The following YAF2 variants were observed in gnomAD, a reference collection of about 807,000 sequenced individuals.
YAF2 encodes the protein YY1 associated factor 2.
YAF2 carries 7 observed loss-of-function variants against 20.1 expected under a neutral mutation model. That is an observed-to-expected ratio of 0.35 (90% CI 0.20 to 0.65). The LOEUF is 0.65. Among genes scored for constraint, YAF2 ranks in the 30% least tolerant of loss-of-function variants. The pLI, the probability that YAF2 is intolerant of heterozygous loss-of-function variation, is 0.69. For synonymous variants in YAF2, 74 were observed against 76.0 expected, an observed-to-expected ratio of 0.97 and a Z score of 0.14; for missense variants, 151 against 219.2, an observed-to-expected ratio of 0.69 and a Z score of 1.96.
At chr12:42,206,928 CCCAG>C (rs2067061325) in intron 2 of YAF2, among the ~76,000 whole-genome samples, 1 of 152,092 alleles carries the variant, frequency 6.6e-6, no homozygotes, top group Non-Finnish European at 1.5e-5. Context: ...ATACCTTCTA[CCCAG>C]ATTCAAAATT....
intron 2 of YAF2, among the ~76,000 whole-genome samples, chr12:42,202,018 TC>T (rs1278253211): frequency 6.6e-6 from 1 of 152,224 alleles, no homozygotes; most frequent in Non-Finnish European, 1.5e-5. Flanking sequence ...ATCTATACTA[TC>T]CTCTTTTTAA....
intron 2 of YAF2, chr12:42,235,319 C>A: frequency 6.0e-6 from 6 of 997,496 alleles, no homozygotes; most frequent in Non-Finnish European, 7.2e-6. Flanking sequence ...ACTACTGAAA[C>A]TTTTGCTTCT....
Position 42,227,129 on chromosome 12 carries a change from C to T in YAF2, c.152+10470G>A, listed in dbSNP as rs1030015084. Among the ~76,000 whole-genome samples the T allele has an allele frequency of 3.0e-3, 438 of 145,640 alleles. 6 individuals carry two copies. The highest frequency in any genetic ancestry group is 9.2e-3 in the South Asian group (42 of 4,586). ...GCGGAGCTGTCTCAGTCTTTGCCGC[C>T]GCGCCGGCGAGCGCCGCCCGGGAGG... On this transcript the variant is annotated intron_variant, in intron 2 of 3. Transcript: ENST00000534854.
intron 2 of YAF2, chr12:42,233,048 T>C: frequency 3.0e-6 from 3 of 985,356 alleles, no homozygotes; most frequent in Non-Finnish European, 3.6e-6. Context: ...ACTGTATGTC[T>C]AGTATCCAAC....
rs1237372268 is a variant in YAF2 at position 42,237,727 on chromosome 12, G to A, written c.27-3C>T. On this transcript the variant is annotated splice_polypyrimidine_tract_variant and splice_region_variant and intron_variant, in intron 1 of 3. Coordinates refer to ENST00000534854, the MANE Select transcript of YAF2 (RefSeq NM_005748.6). ...ACGGCTTCGGCTGCCGCTTCGGCCT[G>A]CAGGACACAACCCGGACACGACGCG... 29 of 1,555,192 alleles carry A rather than the reference G, an allele frequency of 1.9e-5. No individual in the cohort carries two copies. Among genetic ancestry groups the A allele is most frequent in the Non-Finnish European group, 2.5e-5 (29 of 1,152,910 alleles).
intron 2 of YAF2, among the ~76,000 whole-genome samples, chr12:42,178,574 ATATAAC>A (rs2066257845): frequency 1.3e-5 from 2 of 152,144 alleles, no homozygotes; most frequent in African/African-American, 2.4e-5. Flanking sequence ...ATAAATACAT[ATATAAC>A]TATATCATCA....
chr12:42,213,163 G>A (rs2067259524), intron 2 of YAF2, among the ~76,000 whole-genome samples: 1 of 152,220 alleles, frequency 6.6e-6, no homozygotes, highest in Admixed American at 6.5e-5. Flanking sequence ...CAAACAAGCT[G>A]TTATGTTCTG....
intron 2 of YAF2, among the ~76,000 whole-genome samples, chr12:42,227,066 C>T (rs906583229): frequency 1.1e-4 from 16 of 145,124 alleles, no homozygotes; most frequent in Middle Eastern, 3.5e-3. Flanking sequence ...CCGCAGCCGC[C>T]GCCGCCCGAC....
chr12:42,187,812 T>C (rs1344601193), intron 2 of YAF2, among the ~76,000 whole-genome samples: 1 of 152,238 alleles, frequency 6.6e-6, no homozygotes, highest in Non-Finnish European at 1.5e-5. Context: ...CTGACTTGTA[T>C]AACCAGGACA....
chr12:42,162,740 A>G (rs1488565109), intron 2 of YAF2, among the ~76,000 whole-genome samples: 1 of 152,180 alleles, frequency 6.6e-6, no homozygotes, highest in African/African-American at 2.4e-5. Flanking sequence ...ATATTGTACA[A>G]TCTAAGAATT....
chr12:42,172,347 G>A (rs2066071196), intron 2 of YAF2: 2 of 152,178 alleles, frequency 1.3e-5, no homozygotes, highest in Admixed American at 1.3e-4. Context: ...TCTCTTATAT[G>A]CATCCATCTA....
intron 2 of YAF2, among the ~76,000 whole-genome samples, chr12:42,237,087 C>G (rs1013873451): frequency 2.6e-5 from 4 of 152,146 alleles, no homozygotes; most frequent in Non-Finnish European, 4.4e-5. Context: ...TATTAGAGTA[C>G]TGGAATAAAA....
chr12:42,184,582 T>C lies in YAF2; in HGVS notation c.153-22817A>G, dbSNP rs534840584. 6.6e-5 allele frequency among the ~76,000 whole-genome samples: 10 copies of C among 152,268 alleles called. No individual in the cohort carries two copies. In the South Asian group the frequency reaches 1.0e-3, roughly 16 times the overall value. ...ACCGCAGCCTCTCAAAGTGCCGGGA[T>C]TACAGGCATGAACCACCACGCCCGA... On this transcript the variant is annotated intron_variant, in intron 2 of 3. Transcript: ENST00000534854.
intron 2 of YAF2, among the ~76,000 whole-genome samples, chr12:42,177,674 T>C (rs2066230825): frequency 6.6e-6 from 1 of 152,194 alleles, no homozygotes; most frequent in Non-Finnish European, 1.5e-5. Flanking sequence ...CCTGCATCAA[T>C]GGCTTTCTAC....
At chr12:42,237,441 T>C (rs1307763546) in intron 2 of YAF2, 158 bp downstream of exon 2, 3 of 1,313,046 alleles carry the variant, frequency 2.3e-6, no homozygotes, top group Non-Finnish European at 1.9e-6. Context: ...ATCGCCTGGG[T>C]TGCGATCAAT....
chr12:42,168,538 C>T lies in YAF2; in HGVS notation c.153-6773G>A, dbSNP rs929182537. Among the ~76,000 whole-genome samples the T allele has an allele frequency of 3.9e-5, 6 of 152,086 alleles. No homozygotes were observed. The East Asian group carries it at 7.7e-4, about 20-fold the overall frequency. On this transcript the variant is annotated intron_variant, in intron 2 of 3. Coordinates refer to ENST00000534854, the MANE Select transcript of YAF2 (RefSeq NM_005748.6). ...AGCAGGGTGATTCAGTTTGAAGAGG[C>T]TTGGCTTCTTCCTTAAATTCTTTTC...
chr12:42,208,952 C>T (rs762704472), intron 2 of YAF2, among the ~76,000 whole-genome samples: 12 of 152,162 alleles, frequency 7.9e-5, no homozygotes, highest in East Asian at 1.9e-4. Context: ...GACACCACTA[C>T]GAGCTCTTTA....
At chr12:42,161,042 T>C (rs1204236147) in intron 3 of YAF2, 5 of 205,572 alleles carry the variant, frequency 2.4e-5, no homozygotes, top group Non-Finnish European at 4.3e-5. Context: ...ACCAAAAAAC[T>C]GTGACAGCCT....
chr12:42,216,847 T>A (rs1246892732), intron 2 of YAF2, among the ~76,000 whole-genome samples: 2 of 152,160 alleles, frequency 1.3e-5, no homozygotes, highest in Admixed American at 1.3e-4. Flanking sequence ...CAGTGAGAAC[T>A]AACACCACTC....
Sources: allele counts gnomAD v4.1 joint callset (sites outside exome capture counted in the v4.1 genomes callset), GRCh38; gene constraint gnomAD v4.1.1; transcripts MANE v1.5; gene names NCBI Gene and HGNC (gene_info 2026-07-23, HGNC 2026-07-21).